PLAC1: variants seen among roughly 807,000 people sequenced by gnomAD.
PLAC1 encodes the protein placenta associated 1.
For synonymous variants in PLAC1, 68 were observed against 62.1 expected (o/e 1.09, Z -0.44); for missense variants, 136 against 163.2 (o/e 0.83, Z 0.91).
intron 2 of PLAC1, among the ~76,000 whole-genome samples, chrX:134,580,759 G>C (rs2077969990): frequency 8.9e-6 from 1 of 111,863 alleles, no homozygotes; most frequent in Non-Finnish European, 1.9e-5. Flanking sequence ...CTATATTTTG[G>C]ACTTCTTGTC....
chrX:134,670,146 C>G (rs1339418458), intron 2 of PLAC1, among the ~76,000 whole-genome samples: 1 of 109,420 alleles, frequency 9.1e-6, no homozygotes, highest in Non-Finnish European at 1.9e-5. Context: ...CAATCTGGCT[C>G]TTGCTACCTG....
chrX:134,599,891 T>A, intron 2 of PLAC1, among the ~76,000 whole-genome samples: 1 of 111,719 alleles, frequency 9.0e-6, no homozygotes, highest in East Asian at 2.8e-4. Context: ...TTGGATTTTA[T>A]TTATTTCCAG....
chrX:134,624,644 C>T (rs2078226425), intron 1 of PLAC1, among the ~76,000 whole-genome samples: 1 of 111,351 alleles, frequency 9.0e-6, no homozygotes, highest in African/African-American at 3.3e-5. Context: ...ACACAGGAGT[C>T]AATATAGAAA....
chrX:134,688,343 T>G (rs1401300291), intron 2 of PLAC1, among the ~76,000 whole-genome samples: 1 of 112,189 alleles, frequency 8.9e-6, no homozygotes, highest in Admixed American at 9.4e-5. Flanking sequence ...GTTCTCACTT[T>G]GTCAAATTAT....
intron 1 of PLAC1, among the ~76,000 whole-genome samples, chrX:134,740,390 C>G (rs1382906159): frequency 1.8e-5 from 2 of 110,068 alleles, no homozygotes; most frequent in Non-Finnish European, 3.8e-5. Context: ...CAGCTGTAAG[C>G]AACCATGGAG....
intron 1 of PLAC1, among the ~76,000 whole-genome samples, chrX:134,636,800 T>C (rs1258190816): frequency 1.8e-5 from 2 of 112,255 alleles, no homozygotes; most frequent in African/African-American, 6.5e-5. Flanking sequence ...TTGGCAATGC[T>C]TGGGAGAAAC....
At chrX:134,590,369 T>C (rs1230676256) in intron 2 of PLAC1, among the ~76,000 whole-genome samples, 2 of 111,161 alleles carry the variant, frequency 1.8e-5, no homozygotes, top group Non-Finnish European at 3.8e-5. Flanking sequence ...TGTTAGGTGC[T>C]GGGAATATCA....
chrX:134,681,263 G>C (rs1056614056), intron 2 of PLAC1, among the ~76,000 whole-genome samples: 5 of 111,458 alleles, frequency 4.5e-5, no homozygotes, highest in African/African-American at 1.3e-4. Context: ...TGTATGATGA[G>C]ATTTAAATGA....
rs2077964943 is a variant in PLAC1 at position 134,579,749 on chromosome X, T to C, written c.-58-13009A>G. Reference sequence around the variant, plus strand: ...GATAGACTCCAGCTGAGCGGTGGTTTGTGCTTTCCCGGAAAGCTGAGGCCT... The same window carrying C: ...GATAGACTCCAGCTGAGCGGTGGTTCGTGCTTTCCCGGAAAGCTGAGGCCT... On this transcript the variant is annotated intron_variant, in intron 2 of 2. Coordinates refer to ENST00000359237, the MANE Select transcript of PLAC1 (RefSeq NM_021796.4). Among the ~76,000 whole-genome samples, 12 of 111,375 alleles carry C rather than the reference T, an allele frequency of 1.1e-4. No individual in the cohort carries two copies. In the Admixed American group the frequency reaches 1.1e-3, roughly 11 times the overall value.
chrX:134,603,991 G>A (rs1048548223), intron 1 of PLAC1, among the ~76,000 whole-genome samples: 1 of 112,533 alleles, frequency 8.9e-6, no homozygotes, highest in Non-Finnish European at 1.9e-5. Context: ...AAGAAACCAA[G>A]ACACAGATTC....
At chrX:134,712,767 T>C (rs1162508662) in intron 2 of PLAC1, among the ~76,000 whole-genome samples, 2 of 111,673 alleles carry the variant, frequency 1.8e-5, no homozygotes, top group Non-Finnish European at 3.8e-5. Flanking sequence ...ACACGCCTTG[T>C]AGGCCACTCT....
intron 2 of PLAC1, among the ~76,000 whole-genome samples, chrX:134,680,608 C>CTAA (rs1569403933): frequency 9.0e-6 from 1 of 111,053 alleles, no homozygotes; most frequent in African/African-American, 3.3e-5. Flanking sequence ...CTAAACTAAA[C>CTAA]ACCTTCCTTC....
chrX:134,603,269 TTATATATATATATATATATATA>T (rs1232261107), intron 1 of PLAC1, among the ~76,000 whole-genome samples: 2 of 6,916 alleles, frequency 2.9e-4, no homozygotes, highest in Non-Finnish European at 5.1e-4. Context: ...TCTCTGTATT[TTATATATATATATATATATATA>T]TATATATATA....
chrX:134,607,452 C>A, intron 1 of PLAC1: 1 of 131,649 alleles, frequency 7.6e-6, no homozygotes. Context: ...TATTAAGAGC[C>A]AAAAAATAGC....
At chrX:134,693,537 G>T (rs1439943689) in intron 2 of PLAC1, among the ~76,000 whole-genome samples, 1 of 111,782 alleles carries the variant, frequency 8.9e-6, no homozygotes, top group Non-Finnish European at 1.9e-5. Flanking sequence ...AGGCTCAGAG[G>T]GTTCACTGGG....
intron 2 of PLAC1, among the ~76,000 whole-genome samples, chrX:134,709,944 C>T (rs1463201020): frequency 9.0e-6 from 1 of 111,492 alleles, no homozygotes; most frequent in Non-Finnish European, 1.9e-5. Flanking sequence ...ATTAATCACA[C>T]ACACAAAACT....
chrX:134,644,831 T>A (rs1195192025), intron 1 of PLAC1, among the ~76,000 whole-genome samples: 1 of 111,835 alleles, frequency 8.9e-6, no homozygotes, highest in African/African-American at 3.3e-5. Context: ...TTTTCTATTC[T>A]CACTCTCATG....
intron 2 of PLAC1, among the ~76,000 whole-genome samples, chrX:134,596,635 C>T (rs1308432803): frequency 1.8e-5 from 2 of 111,538 alleles, no homozygotes; most frequent in Admixed American, 1.9e-4. Context: ...CACTCTGTGA[C>T]TCAGGCTGAA....
intron 1 of PLAC1, among the ~76,000 whole-genome samples, chrX:134,626,970 A>C (rs994745083): frequency 9.0e-6 from 1 of 110,745 alleles, no homozygotes; most frequent in African/African-American, 3.3e-5. Flanking sequence ...TGAGCACAGG[A>C]ATTGGAGGCT....
Sources: allele counts gnomAD v4.1 joint callset (sites outside exome capture counted in the v4.1 genomes callset), GRCh38; gene constraint gnomAD v4.1.1; transcripts MANE v1.5; gene names NCBI Gene and HGNC (gene_info 2026-07-23, HGNC 2026-07-21).